The following DIS3L variants were observed in gnomAD, a reference collection of about 807,000 sequenced individuals.
DIS3L encodes the protein DIS3-like exonuclease 1.
In DIS3L, 100 loss-of-function variants were observed where a neutral mutation model predicts 120.3. That is an observed-to-expected ratio of 0.83 (90% confidence interval 0.71 to 0.98). DIS3L has a LOEUF of 0.98. Among genes scored for constraint, DIS3L ranks in the 50% least tolerant of loss-of-function variants. The probability of loss-of-function intolerance (pLI) is 0.00; values close to 1 mark genes in which losing one functional copy is unlikely to be tolerated. For synonymous variants in DIS3L, 426 were observed against 470.6 expected (o/e 0.91, Z 1.23); for missense variants, 1,196 against 1,314.2 (o/e 0.91, Z 1.39).
chr15:66,298,273 G>A (rs1438063737), intron 2 of DIS3L, among the ~76,000 whole-genome samples: 1 of 149,616 alleles, frequency 6.7e-6, no homozygotes, highest in African/African-American at 2.5e-5. Flanking sequence ...TCCCCATCCA[G>A]TACCTCAGTG....
intron 2 of DIS3L, among the ~76,000 whole-genome samples, chr15:66,303,784 C>A (rs2092671796): frequency 6.6e-6 from 1 of 152,106 alleles, no homozygotes; most frequent in Admixed American, 6.5e-5. Flanking sequence ...AAAGTGAAAG[C>A]CTGCCCAAAC....
intron 3 of DIS3L, among the ~76,000 whole-genome samples, chr15:66,307,708 A>T (rs992380957): frequency 1.3e-4 from 20 of 152,236 alleles, no homozygotes; most frequent in Non-Finnish European, 2.5e-4. Flanking sequence ...AGCAGAGCCT[A>T]AAGTGAGTCC....
rs1484204064 is a variant in DIS3L, at chr15:66,306,946, A to C, written c.416A>C (p.Gln139Pro). The C allele has an allele frequency of 6.8e-6, 11 of 1,613,988 alleles. No homozygotes were observed. The highest frequency in any genetic ancestry group is 1.6e-4 in the Middle Eastern group (1 of 6,080). ...AGAGGAGAGTCCATGGAGAAGTGGC[A>C]GACCAGGTATGGCCCTGACTTGCTG... Reference protein sequence around the residue: ...RERGESMEKWQTRSIYNAAVW... With the variant: ...RERGESMEKWPTRSIYNAAVW... The change falls in exon 3 of 17, where the codon CAG becomes CCG. Residue 139 changes from glutamine (Q) to proline (P), a missense_variant. Coordinates refer to ENST00000319212, the MANE Select transcript of DIS3L (RefSeq NM_001143688.3).
intron 9 of DIS3L, 56 bp from the exon 10 acceptor site, chr15:66,322,631 G>C (rs1470553553): frequency 1.3e-6 from 2 of 1,598,574 alleles, no homozygotes; most frequent in Non-Finnish European, 1.7e-6. Flanking sequence ...TTAGTGAGTG[G>C]ATTTTTACAG....
intron 6 of DIS3L, among the ~76,000 whole-genome samples, chr15:66,314,583 CT>C (rs2092798335): frequency 6.6e-6 from 1 of 152,138 alleles, no homozygotes; most frequent in South Asian, 2.1e-4. Flanking sequence ...AGGAGCATGG[CT>C]GGGTGGAGAG....
At chr15:66,318,192 T>TA (rs1454190641) in intron 7 of DIS3L, among the ~76,000 whole-genome samples, 1 of 152,178 alleles carries the variant, frequency 6.6e-6, no homozygotes, top group East Asian at 1.9e-4. Flanking sequence ...CAGGCTGGTC[T>TA]TGAACTCCTG....
Position 66,333,421 on chromosome 15 carries a change from C to CT in DIS3L, c.*110dup. ...GCTCTAGTCGATCAGGACTGGGTAG[C>CT]TATTTCGCATATATGTAAAATGTTC... On this transcript the variant is annotated 3_prime_UTR_variant, in exon 17 of 17. Transcript: ENST00000319212. 7 of 1,205,240 alleles carry CT rather than the reference C, an allele frequency of 5.8e-6. No individual in the cohort carries two copies. The highest frequency in any genetic ancestry group is 8.0e-6 in the Non-Finnish European group (7 of 873,876). 74.7% of individuals were successfully genotyped at this position (1,205,240 alleles called of 1,614,324 possible).
chr15:66,326,579 T>A (rs1055973444), intron 12 of DIS3L: 3 of 576,000 alleles, frequency 5.2e-6, no homozygotes, highest in Non-Finnish European at 8.8e-6. Context: ...TTCCTTGGTT[T>A]TTTGTTTCAA....
At chr15:66,308,220 A>C (rs1411880206) in intron 3 of DIS3L, among the ~76,000 whole-genome samples, 1 of 152,154 alleles carries the variant, frequency 6.6e-6, no homozygotes, top group Non-Finnish European at 1.5e-5. Context: ...CCTGTTTCCC[A>C]GTTCTCTGTT....
chr15:66,313,520 T>A lies in DIS3L; in HGVS notation c.736-519T>A, dbSNP rs8034378. On this transcript the variant is annotated intron_variant, in intron 5 of 16. Transcript: ENST00000319212. ...GAGGCCGAGGTGGATCACAAGGTCA[T>A]GAGTTCAAGACCAGCCTGACCAACA... is the stretch of plus-strand genomic sequence containing the variant. 1.7e-3 allele frequency among the ~76,000 whole-genome samples: 263 copies of A among 152,116 alleles called. 3 individuals carry two copies. The highest frequency in any genetic ancestry group is 6.1e-3 in the African/African-American group (253 of 41,486).
intron 5 of DIS3L, 128 bp downstream of exon 5, chr15:66,312,028 G>A: frequency 9.2e-7 from 1 of 1,090,192 alleles, no homozygotes; most frequent in Non-Finnish European, 1.3e-6. Flanking sequence ...GCAACATAGT[G>A]AAACCCTGTC....
chr15:66,323,741 C>G (rs1397524919), intron 11 of DIS3L, among the ~76,000 whole-genome samples, 156 bp downstream of exon 11: 1 of 152,100 alleles, frequency 6.6e-6, no homozygotes, highest in Non-Finnish European at 1.5e-5. Flanking sequence ...CCCAACCCCA[C>G]ACCACTTATC....
chr15:66,329,376 A>G lies in DIS3L; in HGVS notation c.2512A>G (p.Arg838Gly). Residue 838 changes from arginine (R) to glycine (G), a missense_variant, in exon 14 of 17, where the codon AGA (arginine) becomes GGA (glycine). Physicochemically the swap from Arg to Gly is moderately radical, Grantham distance 125 (BLOSUM62 -2). Coordinates refer to ENST00000319212, the MANE Select transcript of DIS3L (RefSeq NM_001143688.3). ...CAACAAAGATCTTGAGGAATTATGC[A>G]GACATATCAACAACAGAAACCAAGT... is the stretch of plus-strand genomic sequence containing the variant. ...FSNKDLEELC[R>G]HINNRNQAAQ... 6.2e-7 allele frequency: 1 copy of G among 1,608,426 alleles called. No homozygotes were observed. Among genetic ancestry groups the G allele is most frequent in the Non-Finnish European group, 8.5e-7 (1 of 1,178,580 alleles).
In DIS3L at chr15:66,320,559, C is replaced by G. The variant is rs745630667; in HGVS notation, c.1165-12C>G. On this transcript the variant is annotated splice_polypyrimidine_tract_variant and intron_variant, in intron 8 of 16. Coordinates refer to ENST00000319212, the MANE Select transcript of DIS3L (RefSeq NM_001143688.3). ...GGTGCTCAGCTGTGTTTTATTTTTT[C>G]CTTTTGTGCAGGACTTCAGGGTGGT... is the stretch of plus-strand genomic sequence containing the variant. 1.7e-5 allele frequency: 28 copies of G among 1,602,014 alleles called. No individual in the cohort carries two copies. Among genetic ancestry groups the G allele is most frequent in the Non-Finnish European group, 2.4e-5 (28 of 1,175,384 alleles).
chr15:66,313,859 A>ATGTGTGTATATATATATATATG (rs1450484714), intron 5 of DIS3L, among the ~76,000 whole-genome samples, 180 bp from the exon 6 acceptor site: 4 of 117,450 alleles, frequency 3.4e-5, no homozygotes, highest in South Asian at 2.6e-4. Flanking sequence ...GCGTATATAT[A>ATGTGTGTATATATATATATATG]TGTGTGTATA....
In DIS3L at chr15:66,311,849, T is replaced by C; in HGVS notation, c.684T>C (p.His228=). 6.2e-7 allele frequency: 1 copy of C among 1,614,084 alleles called. No homozygotes were observed. The highest frequency in any genetic ancestry group is 8.5e-7 in the Non-Finnish European group (1 of 1,180,004). ...QESHGKEYPE[H]LPLEVLEAGI... The stretch of plus-strand genomic sequence containing the variant: ...GCCATGGGAAGGAGTACCCAGAACA[T>C]CTTCCCCTGGAAGTGTTAGAAGCTG... Residue 228 remains histidine (H), a synonymous_variant, in exon 5 of 17, where the codon CAT becomes CAC. Transcript: ENST00000319212.
chr15:66,316,430 T>G (rs2092817977), intron 7 of DIS3L, among the ~76,000 whole-genome samples: 1 of 152,122 alleles, frequency 6.6e-6, no homozygotes, highest in Non-Finnish European at 1.5e-5. Context: ...ACCTCAGGAT[T>G]GTCAAAGCAG....
chr15:66,309,141 A>G (rs2092735587), intron 4 of DIS3L, among the ~76,000 whole-genome samples: 1 of 131,752 alleles, frequency 7.6e-6, no homozygotes, highest in South Asian at 2.6e-4. Flanking sequence ...AGTCCCAGCT[A>G]CTCAAGAGGC....
At chr15:66,329,636 A>G in intron 14 of DIS3L, 1 of 1,203,362 alleles carries the variant, frequency 8.3e-7, no homozygotes, top group Non-Finnish European at 1.0e-6. Flanking sequence ...GATTCAAGCA[A>G]CGCATAAAGA....
Sources: allele counts gnomAD v4.1 joint callset (sites outside exome capture counted in the v4.1 genomes callset), GRCh38; gene constraint gnomAD v4.1.1; transcripts MANE v1.5; gene names NCBI Gene and HGNC (gene_info 2026-07-23, HGNC 2026-07-21).